Variants in SYT17 observed in about 807,000 individuals in gnomAD.
SYT17 encodes synaptotagmin 17.
SYT17 carries 22 observed loss-of-function variants against 46.7 expected under a neutral mutation model. That is an observed-to-expected ratio of 0.47 (90% confidence interval 0.34 to 0.67). The LOEUF is 0.67. Ranked by LOEUF, SYT17 falls within the 30% of genes least tolerant of loss-of-function variation. The probability of loss-of-function intolerance (pLI) is 0.01; values close to 1 mark genes in which losing one functional copy is unlikely to be tolerated. For synonymous variants in SYT17, 251 were observed against 248.4 expected (o/e 1.01, Z -0.10); for missense variants, 519 against 612.8 (o/e 0.85, Z 1.62).
chr16:19,223,876 C>CT (rs1325070052), intron 6 of SYT17, among the ~76,000 whole-genome samples: 1 of 152,172 alleles, frequency 6.6e-6, no homozygotes, highest in Non-Finnish European at 1.5e-5. Context: ...GAGTTTCAGA[C>CT]TCACCACGAT....
chr16:19,265,037 G>A (rs1969268692), intron 7 of SYT17, among the ~76,000 whole-genome samples: 1 of 152,144 alleles, frequency 6.6e-6, no homozygotes, highest in African/African-American at 2.4e-5. Context: ...ACTAAATGGG[G>A]CCTGAAGTGG....
chr16:19,178,829 T>G (rs1964429199), intron 3 of SYT17, among the ~76,000 whole-genome samples: 1 of 152,122 alleles, frequency 6.6e-6, no homozygotes, highest in Non-Finnish European at 1.5e-5. Context: ...TCTACCTCCT[T>G]TCCCATCCCT....
chr16:19,204,472 T>C (rs910104716), intron 5 of SYT17, among the ~76,000 whole-genome samples: 52 of 151,914 alleles, frequency 3.4e-4, no homozygotes, highest in African/African-American at 1.2e-3. Flanking sequence ...GGCGTTGAGG[T>C]GCTTGCTGGT....
chr16:19,211,727 G>A (rs1965910186), intron 5 of SYT17, among the ~76,000 whole-genome samples: 2 of 152,058 alleles, frequency 1.3e-5, no homozygotes, highest in East Asian at 1.9e-4. Context: ...CCGGGTTCAC[G>A]GCATTCCCCT....
At chr16:19,187,073 C>T (rs556240502) in intron 5 of SYT17, among the ~76,000 whole-genome samples, 32 of 152,176 alleles carry the variant, frequency 2.1e-4, no homozygotes, top group African/African-American at 7.2e-4. Flanking sequence ...CTTGCTCAGT[C>T]GCCCAGGCTG....
At chr16:19,173,333 C>T in intron 2 of SYT17, 97 bp from the exon 3 acceptor site, 2 of 763,690 alleles carry the variant, frequency 2.6e-6, no homozygotes, top group Admixed American at 5.8e-5. Flanking sequence ...AGATCGGCTG[C>T]TTGTAATTTT....
chr16:19,171,784 T>G (rs1347868202), intron 1 of SYT17: 4 of 151,920 alleles, frequency 2.6e-5, no homozygotes, highest in Non-Finnish European at 5.9e-5. Context: ...ATAAACCCAA[T>G]GGGAATAATG....
chr16:19,189,125 A>G (rs2142641752), intron 5 of SYT17, among the ~76,000 whole-genome samples: 1 of 152,124 alleles, frequency 6.6e-6, no homozygotes, highest in East Asian at 1.9e-4. Context: ...TGACCTCATG[A>G]TCCACCTGCC....
intron 7 of SYT17, among the ~76,000 whole-genome samples, chr16:19,257,965 T>C (rs79483094): frequency 1.4e-5 from 2 of 146,842 alleles, no homozygotes; most frequent in East Asian, 4.1e-4. Context: ...TTTTTTTTTT[T>C]CCTTTTAATT....
In SYT17 at chr16:19,168,869, G is replaced by C. The variant is rs965419706; in HGVS notation, c.15+208G>C. On this transcript the variant is annotated intron_variant, in intron 1 of 7. Transcript: ENST00000355377. The surrounding 1 kb of genome is among the most constrained non-coding windows in gnomAD (Gnocchi z 6.9). ...GGGACCCCCAAACCCCGGGATGGAGGGTCCTATGTGTACTCTGCAACGCGC... is the reference window on the plus strand; with the variant it reads ...GGGACCCCCAAACCCCGGGATGGAGCGTCCTATGTGTACTCTGCAACGCGC... Among the ~76,000 whole-genome samples the C allele has an allele frequency of 6.6e-6, 1 of 152,138 alleles. No individual in the cohort carries two copies. Among genetic ancestry groups the C allele is most frequent in the Admixed American group, 6.5e-5 (1 of 15,290 alleles).
rs141380488 is a variant in SYT17 at position 19,183,959 on chromosome 16, G to A, written c.763G>A (p.Val255Met). The change falls in exon 5 of 8, where the codon GTG (valine) becomes ATG (methionine). Residue 255 changes from valine to methionine, a missense_variant. By Grantham distance (21) the Val-to-Met change is conservative. Transcript: ENST00000355377. This position sits in a 1 kb window ranked among gnomAD's most constrained non-coding sequence, Gnocchi z 5.6. ...GGTCAAACGCAAGACCCAGAAGCCC[G>A]TGTTTGAGGAGCGCTACACCTTCGA... ...TGVKRKTQKP[V>M]FEERYTFEIP... 3.3e-5 allele frequency: 53 copies of A among 1,614,180 alleles called. No homozygotes were observed. Among genetic ancestry groups the A allele is most frequent in the Admixed American group, 1.5e-4 (9 of 60,024 alleles).
chr16:19,213,861 C>T (rs146934690), intron 5 of SYT17, among the ~76,000 whole-genome samples: 23 of 152,236 alleles, frequency 1.5e-4, no homozygotes, highest in African/African-American at 4.1e-4. Flanking sequence ...TCCAAGTCTT[C>T]GGTTCCTGTT....
chr16:19,265,229 A>T (rs1376596132), intron 7 of SYT17, among the ~76,000 whole-genome samples: 1 of 152,196 alleles, frequency 6.6e-6, no homozygotes, highest in Non-Finnish European at 1.5e-5. Flanking sequence ...TTCATTTATT[A>T]AGCAAAGCTT....
At chr16:19,241,715 C>T (rs908084824) in intron 7 of SYT17, among the ~76,000 whole-genome samples, 1 of 152,206 alleles carries the variant, frequency 6.6e-6, no homozygotes, top group Non-Finnish European at 1.5e-5. Flanking sequence ...CACCTCCTTC[C>T]TGCGCCCTCC....
intron 7 of SYT17, among the ~76,000 whole-genome samples, chr16:19,245,242 G>A (rs1266717326): frequency 1.3e-5 from 2 of 152,192 alleles, no homozygotes; most frequent in African/African-American, 4.8e-5. Context: ...ATTTGACAAT[G>A]TCTGGAGGCA....
At chr16:19,173,010 T>C (rs1964161695) in intron 2 of SYT17, 1 of 596,456 alleles carries the variant, frequency 1.7e-6, no homozygotes, top group African/African-American at 1.9e-5. Flanking sequence ...TGATTATCTC[T>C]GTCTGTTTCA....
chr16:19,220,703 A>G (rs1567218738), intron 5 of SYT17, among the ~76,000 whole-genome samples: 1 of 152,196 alleles, frequency 6.6e-6, no homozygotes, highest in Non-Finnish European at 1.5e-5. Flanking sequence ...GAGAGAAACT[A>G]GGCTCAGCCT....
chr16:19,215,077 C>T (rs994074359), intron 5 of SYT17, among the ~76,000 whole-genome samples: 6 of 152,046 alleles, frequency 3.9e-5, no homozygotes, highest in African/African-American at 7.2e-5. Context: ...CATGAGCCAC[C>T]GTGCCCGGAC....
chr16:19,172,925 C>T lies in SYT17; in HGVS notation c.33+148C>T, dbSNP rs560466822. On this transcript the variant is annotated intron_variant, in intron 2 of 7. Coordinates refer to ENST00000355377, the MANE Select transcript of SYT17 (RefSeq NM_016524.4). ...CGGCACAGTTTCCATTCCTTTCTACCGAAAGGAGATCCCGGTTTTGAAAAG... is the reference window on the plus strand; with the variant it reads ...CGGCACAGTTTCCATTCCTTTCTACTGAAAGGAGATCCCGGTTTTGAAAAG... The T allele has an allele frequency of 4.6e-4, 457 of 983,786 alleles. 2 individuals are homozygous for T. The highest frequency in any genetic ancestry group is 7.4e-5 in the Non-Finnish European group (50 of 671,480). The allele number at this position is 983,786 out of a possible 1,614,324, so 60.9% of individuals were successfully genotyped here.
Sources: allele counts gnomAD v4.1 joint callset (sites outside exome capture counted in the v4.1 genomes callset), GRCh38; gene constraint gnomAD v4.1.1; non-coding constraint Gnocchi (gnomAD v3.1); transcripts MANE v1.5; gene names NCBI Gene and HGNC (gene_info 2026-07-23, HGNC 2026-07-21).